Variants in DAB1 observed in about 807,000 individuals in gnomAD.
The protein encoded by DAB1 is DAB adaptor protein 1.
DAB1 carries 15 observed loss-of-function variants against 64.6 expected under a neutral mutation model. The observed-to-expected ratio is 0.23, with a 90% CI of 0.16 to 0.36. The LOEUF is 0.36. Ranked by LOEUF, DAB1 falls within the 10% of genes least tolerant of loss-of-function variation. The pLI is 1.00. For synonymous variants in DAB1, 235 were observed against 251.9 expected, an observed-to-expected ratio of 0.93 and a Z score of 0.64; for missense variants, 596 against 706.7, an observed-to-expected ratio of 0.84 and a Z score of 1.78.
intron 5 of DAB1, among the ~76,000 whole-genome samples, chr1:57,997,979 A>G (rs1168498591): frequency 6.6e-6 from 1 of 152,098 alleles, no homozygotes; most frequent in Non-Finnish European, 1.5e-5. Context: ...AGAGAAACAA[A>G]ATAGTATCTT....
At chr1:57,102,930 A>G (rs2100696661) in intron 4 of DAB1, among the ~76,000 whole-genome samples, 1 of 152,250 alleles carries the variant, frequency 6.6e-6, no homozygotes, top group South Asian at 2.1e-4. Flanking sequence ...AGAAGCTGAA[A>G]GTGACCAAGA....
Position 57,072,427 on chromosome 1 carries a change from A to G in DAB1, c.307-13T>C. Reference sequence around the variant, plus strand: ...GATGCTGAAGGGCCTATCAGAGAAAAAAAAGGAAGAACATATTTCAGGGGA... The same window carrying G: ...GATGCTGAAGGGCCTATCAGAGAAAGAAAAGGAAGAACATATTTCAGGGGA... On this transcript the variant is annotated splice_polypyrimidine_tract_variant and intron_variant, in intron 4 of 14. Coordinates refer to ENST00000371236, the MANE Select transcript of DAB1 (RefSeq NM_001365792.1). 2.5e-6 allele frequency: 4 copies of G among 1,610,042 alleles called. No individual in the cohort carries two copies. The highest frequency in any genetic ancestry group is 1.7e-6 in the Non-Finnish European group (2 of 1,178,022).
At chr1:58,187,605 G>T (rs920122250) in intron 4 of DAB1, among the ~76,000 whole-genome samples, 1 of 149,966 alleles carries the variant, frequency 6.7e-6, no homozygotes, top group Admixed American at 6.7e-5. Flanking sequence ...TTGAGAAAGA[G>T]TTGCACTCTT....
intron 1 of DAB1, among the ~76,000 whole-genome samples, chr1:57,347,350 G>A (rs1424470): frequency 0.52 from 79,211 of 151,978 alleles, 21,406 homozygotes; most frequent in African/African-American, 0.56. Context: ...GACCAGCAGC[G>A]AAATATCCCA....
intron 4 of DAB1, among the ~76,000 whole-genome samples, chr1:57,108,714 G>A (rs961395292): frequency 5.3e-5 from 8 of 152,184 alleles, no homozygotes; most frequent in African/African-American, 1.9e-4. Context: ...GCTTGGTCCT[G>A]ACTCTTGGCT....
chr1:58,470,776 T>C (rs528184707), intron 3 of DAB1, among the ~76,000 whole-genome samples: 2 of 152,264 alleles, frequency 1.3e-5, no homozygotes, highest in Non-Finnish European at 2.9e-5. Flanking sequence ...CCTTCATGAA[T>C]AGCTGTCTTA....
At chr1:58,174,286 G>A (rs748127167) in intron 4 of DAB1, among the ~76,000 whole-genome samples, 12 of 152,056 alleles carry the variant, frequency 7.9e-5, no homozygotes, top group Non-Finnish European at 1.6e-4. Flanking sequence ...CCCTTTCTAG[G>A]TCCTGTGACA....
intron 3 of DAB1, among the ~76,000 whole-genome samples, chr1:58,489,784 C>CATG (rs1248954288): frequency 6.6e-6 from 1 of 152,100 alleles, no homozygotes; most frequent in African/African-American, 2.4e-5. Context: ...GGCTGTTCAC[C>CATG]AATATCCGCT....
chr1:58,030,163 C>T (rs1441592544), intron 5 of DAB1, among the ~76,000 whole-genome samples: 1 of 152,058 alleles, frequency 6.6e-6, no homozygotes. Flanking sequence ...GCCGAGATCG[C>T]ACCACCACAC....
intron 5 of DAB1, among the ~76,000 whole-genome samples, chr1:57,968,090 AAG>A (rs1242711534): frequency 2.6e-5 from 4 of 152,078 alleles, no homozygotes; most frequent in Admixed American, 6.6e-5. Flanking sequence ...TATTGTCTGA[AAG>A]AGTGTGTGGA....
In DAB1 at chr1:57,583,276, GT is replaced by G. The variant is rs932561012; in HGVS notation, n.625+66315del. On this transcript the variant is annotated intron_variant and non_coding_transcript_variant, in intron 7 of 20. Coordinates refer to the DAB1 transcript ENST00000485760. ...TGCCCTCTCTGAGCCTCGGTTTCTT[GT>G]TTTTTTTCTTTTCTTTTTTTTTTTT... Among the ~76,000 whole-genome samples the G allele has an allele frequency of 4.1e-5, 6 of 146,284 alleles. 1 individual carries two copies. The highest frequency in any genetic ancestry group is 4.0e-4 in the East Asian group (2 of 4,968).
At chr1:58,394,660 A>G (rs1431870598) in intron 3 of DAB1, among the ~76,000 whole-genome samples, 3 of 152,248 alleles carry the variant, frequency 2.0e-5, no homozygotes, top group Admixed American at 6.5e-5. Flanking sequence ...ACCAGATACA[A>G]AATGATTCTA....
At chr1:57,668,970 G>A (rs1398757428) in intron 6 of DAB1, among the ~76,000 whole-genome samples, 1 of 151,994 alleles carries the variant, frequency 6.6e-6, no homozygotes, top group Non-Finnish European at 1.5e-5. Context: ...TTTTATAAAT[G>A]GGCAAAGCTG....
rs572504905 is a variant in DAB1, at chr1:58,525,364, C to T, written n.107+1897G>A. 2.0e-4 allele frequency among the ~76,000 whole-genome samples: 30 copies of T among 152,092 alleles called. No homozygotes were observed. In the South Asian group the frequency reaches 5.4e-3, roughly 27 times the overall value. Reference sequence around the variant, plus strand: ...GCTCAAAAACATGCTGTTCAAGAGTCAACTGTATACAGATTGGAAAGGAAG... The same window carrying T: ...GCTCAAAAACATGCTGTTCAAGAGTTAACTGTATACAGATTGGAAAGGAAG... On this transcript the variant is annotated intron_variant and non_coding_transcript_variant, in intron 2 of 20. Transcript: ENST00000485760.
At chr1:57,157,485 G>T (rs777949952) in intron 2 of DAB1, among the ~76,000 whole-genome samples, 36 of 152,128 alleles carry the variant, frequency 2.4e-4, no homozygotes, top group Non-Finnish European at 5.3e-4. Context: ...AGATTTGGTT[G>T]TTGGTGAGGG....
chr1:57,046,244 G>T lies in DAB1; in HGVS notation c.723+16640C>A, dbSNP rs1648472820. On this transcript the variant is annotated intron_variant, in intron 9 of 14. Transcript: ENST00000371236. ...AAGCAATGAAGCCTTTGGATTCCCTGAAGTAGATACAGCTTGCCAAGCACT... is the reference window on the plus strand; with the variant it reads ...AAGCAATGAAGCCTTTGGATTCCCTTAAGTAGATACAGCTTGCCAAGCACT... Among the ~76,000 whole-genome samples the T allele has an allele frequency of 4.6e-5, 7 of 152,224 alleles. No individual in the cohort carries two copies. The South Asian group carries it at 1.2e-3, about 27-fold the overall frequency.
At chr1:57,441,381 A>C (rs1454630949) in intron 7 of DAB1, among the ~76,000 whole-genome samples, 1 of 135,072 alleles carries the variant, frequency 7.4e-6, no homozygotes, top group African/African-American at 2.8e-5. Flanking sequence ...TTTTTGAGGC[A>C]GGGTTCTCAC....
intron 5 of DAB1, among the ~76,000 whole-genome samples, chr1:57,994,806 A>C (rs1646400582): frequency 6.6e-6 from 1 of 152,178 alleles, no homozygotes; most frequent in South Asian, 2.1e-4. Context: ...AGGGTGATGG[A>C]ATTCTTAGGA....
chr1:57,683,020 A>T (rs1259052322), intron 6 of DAB1, among the ~76,000 whole-genome samples: 1 of 152,160 alleles, frequency 6.6e-6, no homozygotes, highest in Non-Finnish European at 1.5e-5. Context: ...ATCTGGCAGT[A>T]GTTTGGATCC....
Sources: gnomAD v4.1 joint callset for allele counts (sites outside exome capture counted in the v4.1 genomes callset) on GRCh38, gnomAD v4.1.1 for gene constraint, MANE v1.5 for transcripts, NCBI Gene and HGNC (gene_info 2026-07-23, HGNC 2026-07-21) for gene names.